LAMA3: variants seen among roughly 807,000 people sequenced by gnomAD.
LAMA3 encodes the protein laminin subunit alpha-3.
In LAMA3, 281 loss-of-function variants were observed where a neutral mutation model predicts 402.0. That is an observed-to-expected ratio of 0.70 (90% CI 0.63 to 0.77). The LOEUF (loss-of-function observed/expected upper bound fraction) is 0.77, where lower values mean the gene tolerates loss of function less well. Among genes scored for constraint, LAMA3 ranks in the 30% least tolerant of loss-of-function variants. The pLI is 0.00. For missense variants in LAMA3, 3,840 were observed against 4,215.5 expected, an observed-to-expected ratio of 0.91 and a Z score of 2.47; for synonymous variants, 1,431 against 1,558.4, an observed-to-expected ratio of 0.92 and a Z score of 1.93.
rs1055965301 is a variant in LAMA3 at position 23,855,718 on chromosome 18, A to T, written c.4137-2126A>T. 3.3e-5 allele frequency among the ~76,000 whole-genome samples: 5 copies of T among 152,244 alleles called. 1 individual carries two copies. The highest frequency in any genetic ancestry group is 3.9e-4 in the East Asian group (2 of 5,174). On this transcript the variant is annotated intron_variant, in intron 32 of 74. Coordinates refer to ENST00000313654, the MANE Select transcript of LAMA3 (RefSeq NM_198129.4). ...CCAAAAGCGTCTCCGATCCTCTCCC[A>T]GAGTTTACAATCCACTGCACTAGAG...
At chr18:23,949,989 T>C (rs2145560656) in intron 71 of LAMA3, 40 bp from the exon 72 acceptor site, 2 of 1,614,170 alleles carry the variant, frequency 1.2e-6, no homozygotes, top group Non-Finnish European at 8.5e-7. Flanking sequence ...TTTTCTTTCA[T>C]GGTGATGCTT....
rs375063635 is a variant in LAMA3, at chr18:23,816,424, T to C, written c.2084T>C (p.Met695Thr). The change falls in exon 18 of 75, where the codon ATG becomes ACG. Residue 695 changes from methionine (M) to threonine (T), a missense_variant. Physicochemically the swap from Met to Thr is moderately conservative, Grantham distance 81. This residue lies in a region of LAMA3 where 2,109 missense variants were observed against 2,376.0 expected (regional missense o/e 0.89). Transcript: ENST00000313654. ...QCDIGGALSS[M>T]CSGPSGVCQC... is the part of the protein sequence containing the mutation. The stretch of plus-strand genomic sequence containing the variant: ...GACATTGGTGGGGCATTGTCCTCCA[T>C]GTGCAGTGGGCCCTCGGGAGTGTGC... 1.1e-5 allele frequency: 17 copies of C among 1,614,090 alleles called. No homozygotes were observed. In the African/African-American group the frequency reaches 1.5e-4, roughly 14 times the overall value.
chr18:23,949,899 T>C lies in LAMA3; in HGVS notation c.9486T>C (p.Ser3162=), dbSNP rs2145559790. 4 of 1,614,170 alleles carry C rather than the reference T, an allele frequency of 2.5e-6. No homozygotes were observed. Among genetic ancestry groups the C allele is most frequent in the Non-Finnish European group, 3.4e-6 (4 of 1,180,032 alleles). The change falls in exon 71 of 75, where the codon TCT becomes TCC. Residue 3162 remains serine, a synonymous_variant. Transcript: ENST00000313654. Reference sequence around the variant, plus strand: ...CTTTGGAGAAAGGCATTTATTTCTCTGAAGAAGGAGGTCATGTCGTCTTGG... The same window carrying C: ...CTTTGGAGAAAGGCATTTATTTCTCCGAAGAAGGAGGTCATGTCGTCTTGG... ...GGPLEKGIYF[S]EEGGHVVLAH... is the part of the protein sequence containing the mutation.
At chr18:23,712,686 T>C (rs147291306) in intron 1 of LAMA3, among the ~76,000 whole-genome samples, 2 of 145,430 alleles carry the variant, frequency 1.4e-5, no homozygotes, top group African/African-American at 5.2e-5. Context: ...GAACCATGAG[T>C]TGCATACTAG....
At chr18:23,725,300 G>A (rs1235175241) in intron 2 of LAMA3, among the ~76,000 whole-genome samples, 2 of 152,050 alleles carry the variant, frequency 1.3e-5, no homozygotes, top group Admixed American at 6.6e-5. Flanking sequence ...TAGTAGAGAC[G>A]GGGTTCCACC....
At chr18:23,815,334 C>G in intron 16 of LAMA3, 94 bp downstream of exon 16, 1 of 1,363,968 alleles carries the variant, frequency 7.3e-7, no homozygotes, top group Middle Eastern at 1.8e-4. Context: ...TTCTGTCATT[C>G]TACAGTGCAT....
Position 23,773,502 on chromosome 18 carries a change from C to T in LAMA3, c.1188C>T (p.Asn396=), listed in dbSNP as rs749206379. 1.3e-6 allele frequency: 2 copies of T among 1,590,528 alleles called. No individual in the cohort carries two copies. The highest frequency in any genetic ancestry group is 1.7e-6 in the Non-Finnish European group (2 of 1,164,958). ...GGGVCINCQH[N]TAGVNCEQCA... ...TTTCTTTTGTTTCTTTCTAGCACAACACAGCTGGAGTAAACTGTGAACAGT... is the reference window on the plus strand; with the variant it reads ...TTTCTTTTGTTTCTTTCTAGCACAATACAGCTGGAGTAAACTGTGAACAGT... Residue 396 remains asparagine (N), a synonymous_variant, in exon 9 of 75, where the codon AAC becomes AAT. Transcript: ENST00000313654.
intron 12 of LAMA3, among the ~76,000 whole-genome samples, chr18:23,789,450 G>A (rs2062608926): frequency 6.6e-6 from 1 of 152,206 alleles, no homozygotes; most frequent in South Asian, 2.1e-4. Context: ...TAGATAAAAT[G>A]TGGGATAGCC....
chr18:23,913,956 A>C (rs2081521695), intron 56 of LAMA3, among the ~76,000 whole-genome samples: 1 of 152,208 alleles, frequency 6.6e-6, no homozygotes, highest in Non-Finnish European at 1.5e-5. Flanking sequence ...TTCTACCTTA[A>C]GGCGCTCACA....
intron 6 of LAMA3, among the ~76,000 whole-genome samples, chr18:23,755,033 G>A (rs938406631): frequency 6.6e-6 from 1 of 152,220 alleles, no homozygotes; most frequent in Non-Finnish European, 1.5e-5. Flanking sequence ...TGTTGAGAGA[G>A]CTTACGCACA....
At chr18:23,743,507 A>G (rs553768135) in intron 2 of LAMA3, among the ~76,000 whole-genome samples, 1 of 152,310 alleles carries the variant, frequency 6.6e-6, no homozygotes, top group East Asian at 1.9e-4. Context: ...TCAGTCCAGG[A>G]AGGCCCTGAA....
chr18:23,825,689 G>T (rs1387238330), intron 21 of LAMA3, among the ~76,000 whole-genome samples: 4 of 152,040 alleles, frequency 2.6e-5, no homozygotes, highest in African/African-American at 9.7e-5. Context: ...ACAGATGGTA[G>T]AAATGAGGCA....
In LAMA3 at chr18:23,842,896, A is replaced by G. The variant is rs2063736112; in HGVS notation, c.3603+146A>G. ...TGTTTAAATTTTACAGCTGTCTTTT[A>G]CCCCCCAATAAATAAATAAATAAAG... On this transcript the variant is annotated intron_variant, in intron 29 of 74. Transcript: ENST00000313654. 4.0e-6 allele frequency: 4 copies of G among 987,748 alleles called. No homozygotes were observed. In the Admixed American group the frequency reaches 6.1e-5, roughly 15 times the overall value. The allele number at this position is 987,748 out of a possible 1,614,324, so 61.2% of individuals were successfully genotyped here.
In LAMA3 at chr18:23,931,070, C is replaced by G; in HGVS notation, c.8445C>G (p.Asn2815Lys). 1 of 1,612,908 alleles carries G rather than the reference C, an allele frequency of 6.2e-7. No homozygotes were observed. The highest frequency in any genetic ancestry group is 2.2e-5 in the East Asian group (1 of 44,880). ...ILLDHQTWTR[N>K]LQVTLEDGYI... Reference sequence around the variant, plus strand: ...TTCTATGGTGATTTCAGACAAGGAACCTGCAGGTCACTCTGGAAGATGGTT... The same window carrying G: ...TTCTATGGTGATTTCAGACAAGGAAGCTGCAGGTCACTCTGGAAGATGGTT... Residue 2815 changes from asparagine to lysine, a missense_variant, in exon 65 of 75, where the codon AAC becomes AAG. Asn to Lys is a moderately conservative substitution (Grantham distance 94). This residue lies in a region of LAMA3 where 840 missense variants were observed against 981.9 expected (regional missense o/e 0.86). Transcript: ENST00000313654.
In LAMA3 at chr18:23,917,924, A is replaced by G. The variant is rs187753366; in HGVS notation, c.7923+1229A>G. 1.6e-3 allele frequency among the ~76,000 whole-genome samples: 248 copies of G among 152,118 alleles called. 1 individual carries two copies. Among genetic ancestry groups the G allele is most frequent in the Admixed American group, 3.5e-3 (53 of 15,268 alleles). On this transcript the variant is annotated intron_variant, in intron 60 of 74. Transcript: ENST00000313654. ...TGTTGCAATTGCTTTTGGGGTCTTTATCATGAAATCTTTGCAAAGGCCTAT... is the reference window on the plus strand; with the variant it reads ...TGTTGCAATTGCTTTTGGGGTCTTTGTCATGAAATCTTTGCAAAGGCCTAT...
chr18:23,768,895 C>T (rs1444065173), intron 8 of LAMA3, among the ~76,000 whole-genome samples: 1 of 152,148 alleles, frequency 6.6e-6, no homozygotes, highest in Non-Finnish European at 1.5e-5. Context: ...AACCGGAAAA[C>T]CAAACGCCAC....
intron 49 of LAMA3, 97 bp downstream of exon 49, chr18:23,903,222 A>G (rs2081132184): frequency 1.3e-6 from 1 of 794,730 alleles, no homozygotes; most frequent in African/African-American, 1.7e-5. Context: ...TTGTTTATTC[A>G]AAGTATAGTC....
At chr18:23,837,570 GAT>G (rs56179962) in intron 25 of LAMA3, among the ~76,000 whole-genome samples, 1,091 of 83,272 alleles carry the variant, frequency 0.013, 26 homozygotes, top group South Asian at 0.026. Context: ...CAGTTAATCA[GAT>G]ATATATATAT....
At chr18:23,787,959 C>G (rs115671807) in intron 12 of LAMA3, among the ~76,000 whole-genome samples, 64 of 152,184 alleles carry the variant, frequency 4.2e-4, no homozygotes, top group African/African-American at 1.5e-3. Context: ...AGTATACGAA[C>G]TGTATATACA....
Sources: gnomAD v4.1 joint callset for allele counts (sites outside exome capture counted in the v4.1 genomes callset) on GRCh38, gnomAD v4.1.1 for gene constraint, gnomAD v4.1.1 regional missense constraint, MANE v1.5 for transcripts, NCBI Gene and HGNC (gene_info 2026-07-23, HGNC 2026-07-21) for gene names.